The following KIAA1217 variants were observed in gnomAD, a reference collection of about 807,000 sequenced individuals.
KIAA1217 encodes sickle tail protein homolog.
KIAA1217 carries 88 observed loss-of-function variants against 163.9 expected under a neutral mutation model. The observed-to-expected ratio is 0.54, with a 90% CI of 0.45 to 0.64. The LOEUF is 0.64. Ranked by LOEUF, KIAA1217 falls within the 30% of genes least tolerant of loss-of-function variation. The pLI is 0.00. For synonymous variants in KIAA1217, 903 were observed against 923.1 expected (o/e 0.98, Z 0.39); for missense variants, 2,372 against 2,475.0 (o/e 0.96, Z 0.88).
chr10:24,388,623 A>G (rs1325879854), intron 3 of KIAA1217, among the ~76,000 whole-genome samples: 2 of 152,144 alleles, frequency 1.3e-5, no homozygotes, highest in East Asian at 1.9e-4. Context: ...TGAACAGGCA[A>G]CCTACAGAAT....
At chr10:24,275,981 A>G (rs1195171802) in intron 2 of KIAA1217, among the ~76,000 whole-genome samples, 1 of 152,152 alleles carries the variant, frequency 6.6e-6, no homozygotes, top group East Asian at 1.9e-4. Context: ...AGCAAAGAGA[A>G]GGAAACTCCT....
intron 1 of KIAA1217, among the ~76,000 whole-genome samples, chr10:23,799,671 C>T (rs1483538326): frequency 2.0e-5 from 3 of 152,102 alleles, no homozygotes; most frequent in Non-Finnish European, 4.4e-5. Context: ...TAAACTGCCT[C>T]TATAATTTGT....
chr10:24,381,188 A>G (rs17584938), intron 3 of KIAA1217, 121 bp downstream of exon 3: 26,724 of 718,002 alleles, frequency 0.037, 630 homozygotes, highest in Non-Finnish European at 0.046. Context: ...ATACTCTAGT[A>G]CTGGGAAACT....
chr10:23,761,381 T>C (rs1431837122), intron 1 of KIAA1217, among the ~76,000 whole-genome samples: 1 of 152,248 alleles, frequency 6.6e-6, no homozygotes, highest in Non-Finnish European at 1.5e-5. Context: ...AGCTTTCTGA[T>C]GTGAGCATTT....
At chr10:24,058,907 C>CCA (rs1348369477) in intron 2 of KIAA1217, among the ~76,000 whole-genome samples, 2,841 of 152,164 alleles carry the variant, frequency 0.019, 87 homozygotes, top group African/African-American at 0.065. Context: ...GCTAGAACTT[C>CCA]CATTACTTTA....
At chr10:24,516,587 G>A (rs1424966630) in intron 10 of KIAA1217, among the ~76,000 whole-genome samples, 3 of 152,218 alleles carry the variant, frequency 2.0e-5, no homozygotes, top group African/African-American at 4.8e-5. Context: ...GACACTGAGT[G>A]TTTGGGTTTG....
chr10:23,849,064 T>A (rs1839180890), intron 1 of KIAA1217, among the ~76,000 whole-genome samples: 1 of 152,062 alleles, frequency 6.6e-6, no homozygotes, highest in Non-Finnish European at 1.5e-5. Flanking sequence ...GTATGTTAGA[T>A]GAAAGAATGG....
chr10:23,794,712 A>T (rs1836115710), intron 1 of KIAA1217, among the ~76,000 whole-genome samples: 1 of 152,238 alleles, frequency 6.6e-6, no homozygotes, highest in African/African-American at 2.4e-5. Flanking sequence ...CTATGAAGTC[A>T]ATTAAATAAA....
intron 2 of KIAA1217, among the ~76,000 whole-genome samples, chr10:24,086,840 T>C (rs2061714213): frequency 6.6e-6 from 1 of 152,128 alleles, no homozygotes; most frequent in African/African-American, 2.4e-5. Flanking sequence ...ACTCATGGGG[T>C]AACCTTGACC....
At chr10:23,719,458 A>G (rs1837745548) in intron 1 of KIAA1217, among the ~76,000 whole-genome samples, 1 of 152,086 alleles carries the variant, frequency 6.6e-6, no homozygotes, top group South Asian at 2.1e-4. Context: ...GCACACACCT[A>G]TAGTCCCAGC....
intron 1 of KIAA1217, among the ~76,000 whole-genome samples, chr10:23,704,172 G>GTACATATATATATA (rs1836711433): frequency 2.5e-5 from 1 of 39,926 alleles, no homozygotes; most frequent in African/African-American, 1.3e-4. Context: ...GTGTGTGTGT[G>GTACATATATATATA]TATATATATA....
chr10:24,283,670 AAAT>A (rs975561235), intron 2 of KIAA1217, among the ~76,000 whole-genome samples: 26 of 152,276 alleles, frequency 1.7e-4, no homozygotes, highest in African/African-American at 6.0e-4. Context: ...CATCTCAAAA[AAAT>A]AATTAAAAAA....
At chr10:24,206,317 C>A (rs987307766), upstream of KIAA1217, among the ~76,000 whole-genome samples, 2 of 152,102 alleles carry the variant, frequency 1.3e-5, no homozygotes, top group Non-Finnish European at 2.9e-5. Context: ...TAAATTAAAC[C>A]AGAAAGAAAT....
intron 1 of KIAA1217, among the ~76,000 whole-genome samples, chr10:23,852,559 T>G (rs1363921683): frequency 1.3e-5 from 2 of 152,216 alleles, no homozygotes; most frequent in African/African-American, 4.8e-5. Context: ...AAGAAAGCCA[T>G]TGGTAGCTTG....
intron 1 of KIAA1217, among the ~76,000 whole-genome samples, chr10:23,995,458 G>C (rs1846427737): frequency 6.7e-6 from 1 of 148,514 alleles, no homozygotes; most frequent in Non-Finnish European, 1.5e-5. Flanking sequence ...GCCTGTGTGT[G>C]TGTGTGTGTG....
intron 3 of KIAA1217, among the ~76,000 whole-genome samples, chr10:24,395,870 C>A (rs1410219660): frequency 1.3e-5 from 2 of 151,976 alleles, no homozygotes; most frequent in African/African-American, 2.4e-5. Context: ...TTTGTAGGGA[C>A]GGGGGTCTCA....
intron 5 of KIAA1217, among the ~76,000 whole-genome samples, chr10:24,454,220 T>G (rs969847779): frequency 6.6e-6 from 1 of 152,220 alleles, no homozygotes; most frequent in Non-Finnish European, 1.5e-5. Flanking sequence ...ATTTATTTAT[T>G]TAAGGTCTCT....
intron 2 of KIAA1217, among the ~76,000 whole-genome samples, chr10:24,019,511 G>C (rs550078709): frequency 1.3e-5 from 2 of 151,956 alleles, no homozygotes; most frequent in African/African-American, 4.8e-5. Flanking sequence ...GGGGAAGATA[G>C]AACACATTTC....
At chr10:24,141,791 G>A (rs1460597588) in intron 2 of KIAA1217, among the ~76,000 whole-genome samples, 2 of 152,050 alleles carry the variant, frequency 1.3e-5, no homozygotes, top group Non-Finnish European at 2.9e-5. Flanking sequence ...ACCCAACCAG[G>A]TCATATGTGA....
Sources: allele counts gnomAD v4.1 joint callset (sites outside exome capture counted in the v4.1 genomes callset), GRCh38; gene constraint gnomAD v4.1.1; transcripts MANE v1.5; gene names NCBI Gene and HGNC (gene_info 2026-07-23, HGNC 2026-07-21).